The following ENOX2 variants were observed in gnomAD, a reference collection of about 807,000 sequenced individuals.
The protein encoded by ENOX2 is ecto-NOX disulfide-thiol exchanger 2, also known as APK1 antigen.
ENOX2 carries 36 observed loss-of-function variants against 45.0 expected under a neutral mutation model. That is an observed-to-expected ratio of 0.80 (90% CI 0.61 to 1.06). ENOX2 has a LOEUF of 1.06. Among genes scored for constraint, ENOX2 ranks in the 50% least tolerant of loss-of-function variants. The probability of loss-of-function intolerance (pLI) is 0.00; values close to 1 mark genes in which losing one functional copy is unlikely to be tolerated. For synonymous variants in ENOX2, 174 were observed against 152.3 expected (o/e 1.14, Z -1.05); for missense variants, 423 against 462.5 (o/e 0.91, Z 0.78).
chrX:130,695,353 T>C (rs1289878956), intron 4 of ENOX2, among the ~76,000 whole-genome samples: 2 of 111,919 alleles, frequency 1.8e-5, no homozygotes, highest in Non-Finnish European at 3.8e-5. Context: ...CATGTATCAA[T>C]TGGAGGCAGG....
chrX:130,816,864 A>G (rs1405848039), intron 2 of ENOX2, among the ~76,000 whole-genome samples: 1 of 111,715 alleles, frequency 9.0e-6, no homozygotes, highest in Non-Finnish European at 1.9e-5. Flanking sequence ...CTAAAGCAGC[A>G]AGAGCAAACA....
At chrX:130,744,369 C>A (rs1464293564) in intron 3 of ENOX2, among the ~76,000 whole-genome samples, 2 of 112,073 alleles carry the variant, frequency 1.8e-5, no homozygotes, top group Non-Finnish European at 3.8e-5. Context: ...CGTAAGATTG[C>A]TGCTATGTGT....
intron 3 of ENOX2, among the ~76,000 whole-genome samples, chrX:130,750,937 C>T (rs752957353): frequency 9.0e-6 from 1 of 111,090 alleles, no homozygotes; most frequent in Non-Finnish European, 1.9e-5. Context: ...ATAAGTGTCC[C>T]TCTCTCTGCC....
chrX:130,645,991 G>A (rs1039806457), intron 10 of ENOX2: 1 of 627,092 alleles, frequency 1.6e-6, no homozygotes, highest in African/African-American at 2.1e-5. Context: ...GATGAACTCA[G>A]CTACGTTTGT....
intron 3 of ENOX2, among the ~76,000 whole-genome samples, chrX:130,714,818 G>C (rs2038285312): frequency 9.0e-6 from 1 of 111,341 alleles, no homozygotes; most frequent in Admixed American, 9.6e-5. Flanking sequence ...TATGAAGAAG[G>C]GGGAGACAGT....
chrX:130,697,091 GATGTAACTC>G (rs1167867349), intron 4 of ENOX2, among the ~76,000 whole-genome samples: 1 of 111,358 alleles, frequency 9.0e-6, no homozygotes, highest in East Asian at 2.8e-4. Context: ...TGAATGAGGT[GATGTAACTC>G]AATAGTTAAC....
chrX:130,865,738 ATCT>A (rs1402737202), intron 2 of ENOX2, among the ~76,000 whole-genome samples: 1 of 111,491 alleles, frequency 9.0e-6, no homozygotes, highest in African/African-American at 3.3e-5. Flanking sequence ...GCTGATTTAT[ATCT>A]TCTTCTTGAA....
intron 2 of ENOX2, among the ~76,000 whole-genome samples, chrX:130,891,421 T>C (rs1156732054): frequency 1.9e-5 from 2 of 103,581 alleles, no homozygotes; most frequent in Non-Finnish European, 2.0e-5. Context: ...GCTGAGCCCC[T>C]ATTACATGTC....
chrX:130,745,157 T>C (rs149010028), intron 3 of ENOX2, among the ~76,000 whole-genome samples: 1,731 of 111,375 alleles, frequency 0.016, 17 homozygotes, highest in Middle Eastern at 0.032. Context: ...GCAATGACCT[T>C]ATAAGTTTGG....
chrX:130,841,694 G>C (rs921760587), intron 2 of ENOX2, among the ~76,000 whole-genome samples: 13 of 111,981 alleles, frequency 1.2e-4, no homozygotes, highest in Non-Finnish European at 2.3e-4. Flanking sequence ...TGAAACAACA[G>C]GAACTGTGAA....
chrX:130,818,584 A>G (rs1377902832), intron 2 of ENOX2, among the ~76,000 whole-genome samples: 1 of 111,724 alleles, frequency 9.0e-6, no homozygotes, highest in Non-Finnish European at 1.9e-5. Context: ...GAGACCTCAG[A>G]AATAATGCCA....
intron 2 of ENOX2, among the ~76,000 whole-genome samples, chrX:130,900,941 G>A (rs2079135688): frequency 1.8e-5 from 2 of 112,118 alleles, no homozygotes; most frequent in African/African-American, 6.5e-5. Flanking sequence ...AGTGTCCCAG[G>A]TAACTTCTTA....
chrX:130,794,227 C>T (rs1317768545), intron 2 of ENOX2, among the ~76,000 whole-genome samples: 3 of 111,874 alleles, frequency 2.7e-5, no homozygotes, highest in African/African-American at 9.7e-5. Flanking sequence ...GAGAATGTGC[C>T]CAGAGGTACT....
chrX:130,728,961 A>G (rs1335450909), intron 3 of ENOX2, among the ~76,000 whole-genome samples: 1 of 111,869 alleles, frequency 8.9e-6, no homozygotes, highest in Non-Finnish European at 1.9e-5. Context: ...ATAGGAAAGG[A>G]AACTGAAGTC....
chrX:130,656,666 T>G lies in ENOX2; in HGVS notation c.1044A>C (p.Leu348Phe). Reference sequence around the variant, plus strand: ...TTTCTTCTTCTCGCCTGATTCCCATTAATTCATCATTATGAATGTTGCGAA... The same window carrying G: ...TTTCTTCTTCTCGCCTGATTCCCATGAATTCATCATTATGAATGTTGCGAA... Reference protein sequence around the residue: ...EEIRNIHNDELMGIRREEEME... With the variant: ...EEIRNIHNDEFMGIRREEEME... The change falls in exon 10 of 15, where the codon TTA becomes TTC. Residue 348 changes from leucine to phenylalanine, a missense_variant. By Grantham distance (22) the Leu-to-Phe change is conservative. Transcript: ENST00000394363. The G allele has an allele frequency of 8.6e-7, 1 of 1,156,653 alleles. No individual in the cohort carries two copies. Among genetic ancestry groups the G allele is most frequent in the Non-Finnish European group, 1.2e-6 (1 of 850,392 alleles).
chrX:130,818,736 A>G (rs2077536513), intron 2 of ENOX2, among the ~76,000 whole-genome samples: 1 of 112,296 alleles, frequency 8.9e-6, no homozygotes, highest in Non-Finnish European at 1.9e-5. Context: ...TACACCTAAT[A>G]CAAAAATTAA....
intron 13 of ENOX2, among the ~76,000 whole-genome samples, chrX:130,630,767 C>T (rs2035678801): frequency 1.8e-5 from 2 of 111,106 alleles, no homozygotes; most frequent in African/African-American, 6.6e-5. Context: ...AACTTGGATA[C>T]TGTATATTTG....
At chrX:130,858,002 C>T (rs191848598) in intron 2 of ENOX2, among the ~76,000 whole-genome samples, 16 of 110,890 alleles carry the variant, frequency 1.4e-4, no homozygotes, top group East Asian at 1.1e-3. Flanking sequence ...AATACTACTA[C>T]GCATTTGAGG....
intron 5 of ENOX2, among the ~76,000 whole-genome samples, chrX:130,681,554 T>C (rs942077167): frequency 8.0e-5 from 9 of 111,873 alleles, no homozygotes; most frequent in African/African-American, 2.9e-4. Context: ...AGAAGGAACA[T>C]GAACTTGGAG....
Sources: allele counts gnomAD v4.1 joint callset (sites outside exome capture counted in the v4.1 genomes callset), GRCh38; gene constraint gnomAD v4.1.1; transcripts MANE v1.5; gene names NCBI Gene and HGNC (gene_info 2026-07-23, HGNC 2026-07-21).